Variants in DGKB observed in about 807,000 individuals in gnomAD.
DGKB encodes the protein 90 kDa diacylglycerol kinase.
Under a neutral mutation model 114.3 loss-of-function variants are expected in DGKB, and 67 were observed. That is an observed-to-expected ratio of 0.59 (90% CI 0.48 to 0.72). DGKB has a LOEUF of 0.72. Among genes scored for constraint, DGKB ranks in the 30% least tolerant of loss-of-function variants. The pLI is 0.00. For synonymous variants in DGKB, 398 were observed against 323.1 expected (o/e 1.23, Z -2.49); for missense variants, 907 against 975.2 (o/e 0.93, Z 0.93).
intron 2 of DGKB, among the ~76,000 whole-genome samples, chr7:14,760,522 T>C (rs1835531554): frequency 6.6e-6 from 1 of 152,048 alleles, no homozygotes; most frequent in South Asian, 2.1e-4. Context: ...TTGTGGGTAA[T>C]AAGGCACTAT....
chr7:14,837,690 T>G (rs1586825480), intron 2 of DGKB, among the ~76,000 whole-genome samples: 1 of 152,192 alleles, frequency 6.6e-6, no homozygotes, highest in East Asian at 1.9e-4. Context: ...CATTGCAACA[T>G]GAAAAATCTA....
chr7:14,903,212 A>AGGGTGT (rs1554340269), upstream of DGKB: 1 of 137,408 alleles, frequency 7.3e-6, no homozygotes, highest in East Asian at 2.3e-4. Context: ...AAGTCTGTGC[A>AGGGTGT]GTGTGTGTGT....
At chr7:14,752,705 C>T (rs1459990142) in intron 4 of DGKB, among the ~76,000 whole-genome samples, 2 of 152,086 alleles carry the variant, frequency 1.3e-5, no homozygotes, top group Non-Finnish European at 2.9e-5. Flanking sequence ...GCTGACTCTC[C>T]AAAAAGCTAG....
At chr7:14,559,867 T>G (rs1770322863) in intron 20 of DGKB, among the ~76,000 whole-genome samples, 1 of 152,002 alleles carries the variant, frequency 6.6e-6, no homozygotes, top group African/African-American at 2.4e-5. Context: ...TTTTTTCTTT[T>G]CTTTTCTTTT....
At chr7:14,855,302 G>C (rs1849973070) in intron 1 of DGKB, among the ~76,000 whole-genome samples, 1 of 152,164 alleles carries the variant, frequency 6.6e-6, no homozygotes, top group Non-Finnish European at 1.5e-5. Context: ...TCAACTAACA[G>C]ATTCCTTCTT....
intron 16 of DGKB, among the ~76,000 whole-genome samples, chr7:14,612,653 T>C (rs1344153007): frequency 1.3e-5 from 2 of 152,038 alleles, no homozygotes; most frequent in African/African-American, 4.8e-5. Flanking sequence ...TGCTTGCTTA[T>C]TTTTGGTTGA....
chr7:14,822,961 T>G (rs1845152751), intron 2 of DGKB, among the ~76,000 whole-genome samples: 1 of 152,040 alleles, frequency 6.6e-6, no homozygotes, highest in Non-Finnish European at 1.5e-5. Context: ...AATTGGATAA[T>G]TCAATCCATT....
intron 1 of DGKB, among the ~76,000 whole-genome samples, chr7:14,923,983 C>CGAAAAAAAAAAA (rs1784629614): frequency 1.3e-5 from 1 of 76,188 alleles, no homozygotes; most frequent in Non-Finnish European, 2.3e-5. Context: ...AGCTCCATCT[C>CGAAAAAAAAAAA]AAAAAAAAAA....
chr7:14,711,953 C>T (rs1321024853), intron 6 of DGKB, among the ~76,000 whole-genome samples: 1 of 152,160 alleles, frequency 6.6e-6, no homozygotes, highest in Non-Finnish European at 1.5e-5. Context: ...CGTATGGATA[C>T]TCACCTATAC....
intron 1 of DGKB, among the ~76,000 whole-genome samples, chr7:14,963,085 G>A (rs1438061832): frequency 6.6e-6 from 1 of 151,932 alleles, no homozygotes; most frequent in Admixed American, 6.6e-5. Flanking sequence ...ACAGTTTTCA[G>A]GCTCTCCCCT....
chr7:14,565,947 ATTG>A (rs1327116708), intron 20 of DGKB, among the ~76,000 whole-genome samples: 1 of 152,060 alleles, frequency 6.6e-6, no homozygotes, highest in African/African-American at 2.4e-5. Flanking sequence ...GAATCTGAAT[ATTG>A]TTAACAGACT....
chr7:14,608,828 CA>C (rs1303940964), intron 16 of DGKB, among the ~76,000 whole-genome samples: 1 of 151,580 alleles, frequency 6.6e-6, no homozygotes, highest in African/African-American at 2.4e-5. Flanking sequence ...GAGTCACACA[CA>C]AAAAATGAAA....
intron 23 of DGKB, among the ~76,000 whole-genome samples, chr7:14,264,103 T>C (rs1433243562): frequency 6.6e-6 from 1 of 152,084 alleles, no homozygotes; most frequent in African/African-American, 2.4e-5. Flanking sequence ...TGTGATCAAA[T>C]CAGATTCATC....
chr7:14,432,556 C>T (rs1583897123), intron 21 of DGKB, among the ~76,000 whole-genome samples: 1 of 152,284 alleles, frequency 6.6e-6, no homozygotes, highest in South Asian at 2.1e-4. Flanking sequence ...TAAATAGTGA[C>T]TGTCAGTTAG....
At chr7:14,511,318 C>T (rs1438810099) in intron 20 of DGKB, among the ~76,000 whole-genome samples, 1 of 152,194 alleles carries the variant, frequency 6.6e-6, no homozygotes, top group Non-Finnish European at 1.5e-5. Flanking sequence ...TGCAGCTTCT[C>T]TGTCAGCACT....
At chr7:14,877,929 C>G (rs1409135003) in intron 1 of DGKB, among the ~76,000 whole-genome samples, 2 of 151,958 alleles carry the variant, frequency 1.3e-5, no homozygotes, top group African/African-American at 4.8e-5. Context: ...TTTTTTATAT[C>G]TTTAGTGCCA....
At chr7:14,838,793 T>G (rs964740744) in intron 2 of DGKB, among the ~76,000 whole-genome samples, 1 of 152,152 alleles carries the variant, frequency 6.6e-6, no homozygotes, top group African/African-American at 2.4e-5. Flanking sequence ...CTTATAACTG[T>G]ACAATGACTT....
intron 23 of DGKB, among the ~76,000 whole-genome samples, chr7:14,239,195 G>A (rs1793275301): frequency 6.6e-6 from 1 of 151,910 alleles, no homozygotes; most frequent in Non-Finnish European, 1.5e-5. Context: ...GTTTCCATGG[G>A]TTGTTTTGGC....
intron 25 of DGKB, among the ~76,000 whole-genome samples, chr7:14,156,142 T>G (rs1385661335): frequency 1.3e-5 from 2 of 152,112 alleles, no homozygotes; most frequent in African/African-American, 4.8e-5. Flanking sequence ...GAGTGCCTAT[T>G]AATTAGGCAG....
Sources: allele counts gnomAD v4.1 joint callset (sites outside exome capture counted in the v4.1 genomes callset), GRCh38; gene constraint gnomAD v4.1.1; transcripts MANE v1.5; gene names NCBI Gene and HGNC (gene_info 2026-07-23, HGNC 2026-07-21).